The following RAP1GAP variants were observed in gnomAD, a reference collection of about 807,000 sequenced individuals.
RAP1GAP encodes the protein RAP1 GTPase activating protein.
RAP1GAP carries 35 observed loss-of-function variants against 87.2 expected under a neutral mutation model. The observed-to-expected ratio is 0.40, with a 90% CI of 0.31 to 0.53. The LOEUF (loss-of-function observed/expected upper bound fraction) is 0.53, where lower values mean the gene tolerates loss of function less well. RAP1GAP is among the 20% of genes least tolerant of loss of function. The probability of loss-of-function intolerance (pLI) is 0.48; values close to 1 mark genes in which losing one functional copy is unlikely to be tolerated. For missense variants in RAP1GAP, 734 were observed against 898.9 expected, an observed-to-expected ratio of 0.82 and a Z score of 2.35; for synonymous variants, 375 against 363.9, an observed-to-expected ratio of 1.03 and a Z score of -0.35.
At chr1:21,600,944 C>T (rs970022471) in intron 20 of RAP1GAP, among the ~76,000 whole-genome samples, 2 of 148,578 alleles carry the variant, frequency 1.3e-5, no homozygotes, top group African/African-American at 2.5e-5. Context: ...CCAGTGTCTG[C>T]CCACCTCTCC....
chr1:21,601,914 A>G, intron 19 of RAP1GAP, 117 bp from the exon 20 acceptor site: 2 of 664,066 alleles, frequency 3.0e-6, no homozygotes, highest in Non-Finnish European at 5.0e-6. Context: ...CCACGCCCCT[A>G]TACTCAGGGC....
At chr1:21,667,260 G>A (rs553940998) in intron 1 of RAP1GAP, among the ~76,000 whole-genome samples, 7 of 152,334 alleles carry the variant, frequency 4.6e-5, no homozygotes. Flanking sequence ...AGAGGGAGGT[G>A]GAGGCCCTGC....
At chr1:21,665,346 T>C (rs1040623698) in intron 1 of RAP1GAP, 3 of 445,066 alleles carry the variant, frequency 6.7e-6, no homozygotes, top group African/African-American at 5.9e-5. Context: ...ACTTTCTCTC[T>C]TTGAGCCTCA....
rs902174106 is a variant in RAP1GAP, at chr1:21,610,007, A to G, written c.999+113T>C. On this transcript the variant is annotated intron_variant, in intron 14 of 24. Coordinates refer to ENST00000374765, the MANE Select transcript of RAP1GAP (RefSeq NM_002885.4). Reference sequence around the variant, plus strand: ...GAACAGTGCACCATTGAAGCCTTCCATGGTCCCCCCATTATAGCTGGAAAA... The same window carrying G: ...GAACAGTGCACCATTGAAGCCTTCCGTGGTCCCCCCATTATAGCTGGAAAA... 16 of 1,318,750 alleles carry G rather than the reference A, an allele frequency of 1.2e-5. No individual in the cohort carries two copies. In the African/African-American group the frequency reaches 1.8e-4, roughly 15 times the overall value. 81.7% of individuals were successfully genotyped at this position (1,318,750 alleles called of 1,614,324 possible).
At chr1:21,662,650 C>A (rs2152366585) in intron 1 of RAP1GAP, among the ~76,000 whole-genome samples, 1 of 152,288 alleles carries the variant, frequency 6.6e-6, no homozygotes, top group African/African-American at 2.4e-5. Flanking sequence ...AGCCCCACCC[C>A]TGCTCCTGCC....
intron 2 of RAP1GAP, among the ~76,000 whole-genome samples, chr1:21,646,393 A>G (rs908762436): frequency 2.0e-5 from 3 of 152,224 alleles, no homozygotes; most frequent in African/African-American, 2.4e-5. Flanking sequence ...TCCTCAGCAG[A>G]AGAGCTGGAT....
Position 21,669,215 on chromosome 1 carries a change from C to T in RAP1GAP, c.-149+39G>A. ...GGAGTCTGGACACCTCTGTCCCCTTCCCCTTTCCAGGGCCGCAGCCCTGGC... is the reference window on the plus strand; with the variant it reads ...GGAGTCTGGACACCTCTGTCCCCTTTCCCTTTCCAGGGCCGCAGCCCTGGC... On this transcript the variant is annotated intron_variant, in intron 1 of 24. Coordinates refer to ENST00000374765, the MANE Select transcript of RAP1GAP (RefSeq NM_002885.4). This position sits in a 1 kb window ranked among gnomAD's most constrained non-coding sequence, Gnocchi z 5.6. 8.0e-7 allele frequency: 1 copy of T among 1,252,652 alleles called. No homozygotes were observed. Among genetic ancestry groups the T allele is most frequent in the Non-Finnish European group, 1.0e-6 (1 of 973,474 alleles). 77.6% of individuals were successfully genotyped at this position (1,252,652 alleles called of 1,614,324 possible).
intron 1 of RAP1GAP, chr1:21,651,924 C>T: frequency 1.1e-6 from 1 of 938,220 alleles, no homozygotes; most frequent in South Asian, 4.7e-5. Context: ...GCCCCCGCCC[C>T]AGCTCGGATA....
rs1044937736 is a variant in RAP1GAP at position 21,615,852 on chromosome 1, C to T, written c.291+1454G>A. Among the ~76,000 whole-genome samples, 1 of 152,160 alleles carries T rather than the reference C, an allele frequency of 6.6e-6. No homozygotes were observed. Among genetic ancestry groups the T allele is most frequent in the Non-Finnish European group, 1.5e-5 (1 of 68,030 alleles). On this transcript the variant is annotated intron_variant, in intron 7 of 24. Transcript: ENST00000374765. The surrounding 1 kb of genome is among the most constrained non-coding windows in gnomAD (Gnocchi z 4.5). ...GCATATACAGTACCCTCAGATCCTA[C>T]CACCTGCCAGACCCAGCTGGGAACC...
chr1:21,609,021 C>A lies in RAP1GAP; in HGVS notation c.1072-85G>T. ...GGTCGGAACCCCAACGAGGCAGAGG[C>A]TGCAGCTCCTGAACCATGCTCTGCT... On this transcript the variant is annotated intron_variant, in intron 15 of 24. Transcript: ENST00000374765. This position sits in a 1 kb window ranked among gnomAD's most constrained non-coding sequence, Gnocchi z 4.4. 1.8e-6 allele frequency: 2 copies of A among 1,124,392 alleles called. No homozygotes were observed. Among genetic ancestry groups the A allele is most frequent in the Non-Finnish European group, 2.7e-6 (2 of 739,166 alleles). 69.7% of individuals were successfully genotyped at this position (1,124,392 alleles called of 1,614,324 possible). A position where few individuals can be genotyped will look rare whatever the true frequency, so the allele number is the denominator to read the frequency against.
intron 1 of RAP1GAP, among the ~76,000 whole-genome samples, chr1:21,657,267 G>A (rs1296438023): frequency 1.3e-5 from 2 of 152,122 alleles, no homozygotes; most frequent in Non-Finnish European, 2.9e-5. Flanking sequence ...CCACCCTTAG[G>A]TCCCCCATCA....
At chr1:21,656,715 T>C (rs2096882359) in intron 1 of RAP1GAP, among the ~76,000 whole-genome samples, 1 of 152,210 alleles carries the variant, frequency 6.6e-6, no homozygotes, top group Non-Finnish European at 1.5e-5. Context: ...CTGAGACTCC[T>C]GCTCTATTCA....
chr1:21,641,998 C>T (rs1407453744), intron 2 of RAP1GAP, among the ~76,000 whole-genome samples: 2 of 152,234 alleles, frequency 1.3e-5, no homozygotes, highest in East Asian at 1.9e-4. Context: ...TCCTCACTGC[C>T]TCTCACTCAC....
chr1:21,658,899 G>A (rs1182023730), intron 1 of RAP1GAP, among the ~76,000 whole-genome samples: 1 of 150,102 alleles, frequency 6.7e-6, no homozygotes, highest in African/African-American at 2.5e-5. Flanking sequence ...TGTGTAGGCA[G>A]GCTTATTTCC....
intron 2 of RAP1GAP, among the ~76,000 whole-genome samples, chr1:21,629,907 T>G (rs1019717804): frequency 2.0e-5 from 3 of 152,194 alleles, no homozygotes; most frequent in Non-Finnish European, 4.4e-5. Flanking sequence ...TTATAACATG[T>G]ACGTCCAATC....
intron 2 of RAP1GAP, among the ~76,000 whole-genome samples, chr1:21,641,788 A>G (rs1433372745): frequency 6.6e-6 from 1 of 152,228 alleles, no homozygotes; most frequent in Non-Finnish European, 1.5e-5. Flanking sequence ...ACTTAGGGAC[A>G]AGCTAACTCC....
chr1:21,648,315 C>A (rs1380646428), intron 2 of RAP1GAP, among the ~76,000 whole-genome samples: 1 of 152,174 alleles, frequency 6.6e-6, no homozygotes, highest in Admixed American at 6.5e-5. Context: ...TTCTGGGTGG[C>A]CCCTGTCTCT....
chr1:21,660,218 C>T (rs1293167225), intron 1 of RAP1GAP, among the ~76,000 whole-genome samples: 1 of 150,520 alleles, frequency 6.6e-6, no homozygotes, highest in Non-Finnish European at 1.5e-5. Flanking sequence ...TGAAGCCCTG[C>T]CTTCCAGGAA....
intron 1 of RAP1GAP, chr1:21,665,222 C>T (rs376000695): frequency 1.6e-5 from 8 of 514,912 alleles, no homozygotes; most frequent in South Asian, 4.3e-5. Context: ...AAAAGTTGTA[C>T]GGCTGCTCAG....
Sources: gnomAD v4.1 joint callset for allele counts (sites outside exome capture counted in the v4.1 genomes callset) on GRCh38, gnomAD v4.1.1 for gene constraint, Gnocchi (gnomAD v3.1) non-coding constraint, MANE v1.5 for transcripts, NCBI Gene and HGNC (gene_info 2026-07-23, HGNC 2026-07-21) for gene names.